The following CRPPA variants were observed in gnomAD, a reference collection of about 807,000 sequenced individuals.
The protein encoded by CRPPA is D-ribitol-5-phosphate cytidylyltransferase.
In CRPPA, 43 loss-of-function variants were observed where a neutral mutation model predicts 52.0. That is an observed-to-expected ratio of 0.83 (90% CI 0.65 to 1.07). CRPPA has a LOEUF of 1.07. CRPPA is among the 50% of genes least tolerant of loss of function. The pLI, the probability that CRPPA is intolerant of heterozygous loss-of-function variation, is 0.00. For missense variants in CRPPA, 629 were observed against 551.7 expected (o/e 1.14, Z -1.40); for synonymous variants, 250 against 203.5 (o/e 1.23, Z -1.94).
At chr7:16,136,381 T>C (rs538044697) in intron 9 of CRPPA, among the ~76,000 whole-genome samples, 1 of 152,292 alleles carries the variant, frequency 6.6e-6, no homozygotes, top group South Asian at 2.1e-4. Context: ...GTTTTGTGGA[T>C]GAGGAAAATA....
At chr7:16,278,041 T>C (rs1465845526) in intron 6 of CRPPA, 88 bp downstream of exon 6, 1 of 717,118 alleles carries the variant, frequency 1.4e-6, no homozygotes, top group African/African-American at 1.8e-5. Flanking sequence ...TAAGGGATTT[T>C]TATGGGTTTT....
intron 9 of CRPPA, among the ~76,000 whole-genome samples, chr7:16,191,865 T>C (rs2128390685): frequency 6.6e-6 from 1 of 152,266 alleles, no homozygotes; most frequent in South Asian, 2.1e-4. Flanking sequence ...TCTTACCATA[T>C]AAGTTTCTTT....
chr7:16,245,394 T>C (rs62440406), intron 8 of CRPPA, among the ~76,000 whole-genome samples: 55,805 of 152,066 alleles, frequency 0.37, 10,876 homozygotes, highest in Admixed American at 0.47. Context: ...AAAACTGAAA[T>C]TGCTTTCTGG....
intron 3 of CRPPA, among the ~76,000 whole-genome samples, chr7:16,335,880 A>ACGTTATT (rs1472907897): frequency 5.3e-5 from 8 of 152,210 alleles, no homozygotes; most frequent in African/African-American, 1.7e-4. Flanking sequence ...CGGGTAAGAA[A>ACGTTATT]CGTTATTCAA....
intron 3 of CRPPA, among the ~76,000 whole-genome samples, chr7:16,340,184 C>T (rs1785786147): frequency 6.6e-6 from 1 of 151,836 alleles, no homozygotes; most frequent in African/African-American, 2.4e-5. Context: ...CCAAGATGAC[C>T]TTAGGTATGG....
At chr7:16,243,575 T>G (rs1325947979) in intron 8 of CRPPA, among the ~76,000 whole-genome samples, 2 of 152,146 alleles carry the variant, frequency 1.3e-5, no homozygotes, top group African/African-American at 4.8e-5. Flanking sequence ...AGGAGAATAA[T>G]GACTGAAGAG....
intron 3 of CRPPA, among the ~76,000 whole-genome samples, chr7:16,374,040 G>A (rs574268324): frequency 6.6e-6 from 1 of 152,204 alleles, no homozygotes; most frequent in Admixed American, 6.5e-5. Flanking sequence ...TTAATATTAG[G>A]TATTAACTTG....
intron 8 of CRPPA, among the ~76,000 whole-genome samples, chr7:16,252,813 T>A (rs978646445): frequency 2.0e-5 from 3 of 152,322 alleles, no homozygotes; most frequent in African/African-American, 7.2e-5. Context: ...GGGATTCAAC[T>A]TCTTCCTGCT....
At chr7:16,126,150 G>T (rs958764069) in intron 9 of CRPPA, among the ~76,000 whole-genome samples, 1 of 152,050 alleles carries the variant, frequency 6.6e-6, no homozygotes, top group African/African-American at 2.4e-5. Context: ...AATATCCTGT[G>T]CCAGTCTTCG....
chr7:16,217,835 G>A (rs1390307318), intron 8 of CRPPA, among the ~76,000 whole-genome samples: 32 of 151,982 alleles, frequency 2.1e-4, no homozygotes, highest in African/African-American at 3.4e-4. Context: ...TGAAAGTGAC[G>A]GGGAGAATGG....
intron 3 of CRPPA, among the ~76,000 whole-genome samples, chr7:16,373,555 T>C (rs539781797): frequency 3.9e-5 from 6 of 152,170 alleles, no homozygotes; most frequent in Non-Finnish European, 5.9e-5. Context: ...CAAGTAATTA[T>C]TCAATTGTAA....
chr7:16,229,701 G>A (rs961601189), intron 8 of CRPPA, among the ~76,000 whole-genome samples: 1 of 152,010 alleles, frequency 6.6e-6, no homozygotes. Flanking sequence ...GAGTATAGTG[G>A]ATTTCACTGT....
rs564328169 is a variant in CRPPA, at chr7:16,165,142, A to T, written c.1251+50924T>A. Among the ~76,000 whole-genome samples, 19 of 152,124 alleles carry T rather than the reference A, an allele frequency of 1.2e-4. No homozygotes were observed. In the South Asian group the frequency reaches 3.7e-3, roughly 30 times the overall value. On this transcript the variant is annotated intron_variant, in intron 9 of 9. Transcript: ENST00000407010. ...AAAGTCACCTTTCTTTAATTTTATA[A>T]GTCTATTTTCTTACACATTCTCTTC...
chr7:16,193,640 T>C (rs1156416639), intron 9 of CRPPA, among the ~76,000 whole-genome samples: 5 of 152,070 alleles, frequency 3.3e-5, no homozygotes, highest in Non-Finnish European at 7.4e-5. Flanking sequence ...ATAAATACCA[T>C]AAATATAAAA....
chr7:16,281,829 G>A (rs1326782014), intron 5 of CRPPA, among the ~76,000 whole-genome samples: 1 of 152,042 alleles, frequency 6.6e-6, no homozygotes, highest in Non-Finnish European at 1.5e-5. Flanking sequence ...TTTCCCTAAG[G>A]ATGTGTTCAT....
At chr7:16,398,227 CGT>C (rs1562680726) in intron 2 of CRPPA, among the ~76,000 whole-genome samples, 1 of 43,392 alleles carries the variant, frequency 2.3e-5, no homozygotes, top group African/African-American at 1.8e-4. Flanking sequence ...CATGTAATAA[CGT>C]GACTGACACG....
At chr7:16,104,531 A>G (rs573894849) in intron 9 of CRPPA, among the ~76,000 whole-genome samples, 3 of 152,340 alleles carry the variant, frequency 2.0e-5, no homozygotes, top group African/African-American at 7.2e-5. Flanking sequence ...TGTTTCAACT[A>G]TAGAGGTGGG....
chr7:16,164,388 T>C (rs947516411), intron 9 of CRPPA, among the ~76,000 whole-genome samples: 6 of 152,188 alleles, frequency 3.9e-5, no homozygotes, highest in African/African-American at 1.4e-4. Flanking sequence ...TGTAAACTGG[T>C]TATTCTAGCT....
intron 9 of CRPPA, among the ~76,000 whole-genome samples, chr7:16,131,727 C>T (rs1438135932): frequency 6.6e-6 from 1 of 152,136 alleles, no homozygotes; most frequent in Non-Finnish European, 1.5e-5. Flanking sequence ...AACTACAGGC[C>T]GCACTACCAT....
Sources: allele counts gnomAD v4.1 joint callset (sites outside exome capture counted in the v4.1 genomes callset), GRCh38; gene constraint gnomAD v4.1.1; transcripts MANE v1.5; gene names NCBI Gene and HGNC (gene_info 2026-07-23, HGNC 2026-07-21).